Variants in ZBTB25 observed in about 807,000 individuals in gnomAD.
ZBTB25 encodes the protein zinc finger and BTB domain-containing protein 25.
Under a neutral mutation model 34.2 loss-of-function variants are expected in ZBTB25, and 20 were observed. That is an observed-to-expected ratio of 0.58 (90% CI 0.41 to 0.85). ZBTB25 has a LOEUF of 0.85. ZBTB25 is among the 40% of genes least tolerant of loss of function. The pLI is 0.00. For missense variants in ZBTB25, 437 were observed against 521.8 expected (o/e 0.84, Z 1.58); for synonymous variants, 175 against 186.4 (o/e 0.94, Z 0.50).
At chr14:64,503,017 T>C in intron 1 of ZBTB25, 2 of 985,444 alleles carry the variant, frequency 2.0e-6, no homozygotes, top group Non-Finnish European at 2.4e-6. Flanking sequence ...ACATGCTAGG[T>C]GCCGTCAGGT....
chr14:64,456,951 T>C (rs1040569682), intron 2 of ZBTB25, among the ~76,000 whole-genome samples: 1 of 152,222 alleles, frequency 6.6e-6, no homozygotes, highest in Admixed American at 6.5e-5. Context: ...ATATAGGACA[T>C]TGTTACAGAT....
At chr14:64,502,802 G>A in intron 1 of ZBTB25, 3 of 959,926 alleles carry the variant, frequency 3.1e-6, no homozygotes, top group Non-Finnish European at 3.7e-6. Flanking sequence ...CGCTCTTCAG[G>A]CCTGGTGTCT....
chr14:64,457,423 G>T (rs1239827848), intron 2 of ZBTB25, among the ~76,000 whole-genome samples: 3 of 151,740 alleles, frequency 2.0e-5, no homozygotes, highest in African/African-American at 7.3e-5. Flanking sequence ...CATTTGGTTT[G>T]CAGAAGGACA....
rs2078859849 is a variant in ZBTB25, at chr14:64,486,271, C to T, written c.*652G>A. On this transcript the variant is annotated 3_prime_UTR_variant, in exon 3 of 3. Transcript: ENST00000608382. ...CAGCCGAGATCGCGCCACTGCGCCC[C>T]AGCCTGGGCGACACAGAGAGACTCT... 5.1e-6 allele frequency: 5 copies of T among 972,372 alleles called. No homozygotes were observed. The highest frequency in any genetic ancestry group is 4.9e-6 in the Non-Finnish European group (4 of 818,472). The allele number at this position is 972,372 out of a possible 1,614,324, so 60.2% of individuals were successfully genotyped here. A position where few individuals can be genotyped will look rare whatever the true frequency, so the allele number is the denominator to read the frequency against.
Position 64,485,747 on chromosome 14 carries a change from A to C in ZBTB25, c.*1176T>G, listed in dbSNP as rs1302072610. ...AAAATCAACCCAGGAAGCCCCAAAAATCCTGACGCTGAGGGTAGAAACATG... is the reference window on the plus strand; with the variant it reads ...AAAATCAACCCAGGAAGCCCCAAAACTCCTGACGCTGAGGGTAGAAACATG... On this transcript the variant is annotated 3_prime_UTR_variant, in exon 3 of 3. Transcript: ENST00000608382. 1.2e-5 allele frequency: 12 copies of C among 985,240 alleles called. No individual in the cohort carries two copies. In the Admixed American group the frequency reaches 3.1e-4, roughly 25 times the overall value. The allele number at this position is 985,240 out of a possible 1,614,324, so 61.0% of individuals were successfully genotyped here. A position where few individuals can be genotyped will look rare whatever the true frequency, so the allele number is the denominator to read the frequency against.
chr14:64,504,869 G>A, upstream of ZBTB25: 1 of 396,446 alleles, frequency 2.5e-6, no homozygotes, highest in Non-Finnish European at 4.5e-6. Context: ...CGGCCCCTTC[G>A]CCTTCGCCCG....
chr14:64,502,525 G>A (rs2079530463), intron 1 of ZBTB25: 1 of 494,910 alleles, frequency 2.0e-6, no homozygotes, highest in Non-Finnish European at 2.6e-6. Flanking sequence ...GGTGGCTGGG[G>A]GGTGTAGGCT....
rs1307547321 is a variant in ZBTB25, at chr14:64,479,041, A to G, written c.*7882T>C. 6.6e-6 allele frequency: 1 copy of G among 152,206 alleles called. No homozygotes were observed. Among genetic ancestry groups the G allele is most frequent in the Non-Finnish European group, 1.5e-5 (1 of 68,036 alleles). 9.4% of individuals were successfully genotyped at this position (152,206 alleles called of 1,614,324 possible). On this transcript the variant is annotated 3_prime_UTR_variant, in exon 3 of 3. Coordinates refer to ENST00000608382, the MANE Select transcript of ZBTB25 (RefSeq NM_006977.5). ...AATCACATTTTTTCCTTTTATTTCT[A>G]ATAATCACATTTTTATCTTTTAAAA...
At chr14:64,465,228 C>T (rs1156704464) in intron 2 of ZBTB25, among the ~76,000 whole-genome samples, 2 of 152,044 alleles carry the variant, frequency 1.3e-5, no homozygotes, top group African/African-American at 2.4e-5. Context: ...CGCCTTCCCC[C>T]GCCCCCCGAA....
intron 1 of ZBTB25, chr14:64,502,673 A>T: frequency 1.0e-6 from 1 of 985,490 alleles, no homozygotes; most frequent in Non-Finnish European, 1.2e-6. Flanking sequence ...TACATTCTCT[A>T]CAGGTGAGTG....
intron 1 of ZBTB25, 131 bp downstream of exon 1, chr14:64,503,530 A>G (rs1356819696): frequency 5.8e-5 from 57 of 985,814 alleles, no homozygotes; most frequent in Non-Finnish European, 6.6e-5. Flanking sequence ...AATCGGACCA[A>G]AAACACCCCT....
chr14:64,485,142 C>G lies in ZBTB25; in HGVS notation c.*1781G>C. Reference sequence around the variant, plus strand: ...AAAAACTTACCACTTTGTAATTTACCTAAACTGTTTACCTAGAGAAAACCT... The same window carrying G: ...AAAAACTTACCACTTTGTAATTTACGTAAACTGTTTACCTAGAGAAAACCT... On this transcript the variant is annotated 3_prime_UTR_variant, in exon 3 of 3. Transcript: ENST00000608382. The G allele has an allele frequency of 1.0e-6, 1 of 985,396 alleles. No homozygotes were observed. 61.0% of individuals were successfully genotyped at this position (985,396 alleles called of 1,614,324 possible). A position where few individuals can be genotyped will look rare whatever the true frequency, so the allele number is the denominator to read the frequency against.
intron 2 of ZBTB25, chr14:64,458,133 C>A: frequency 9.0e-7 from 1 of 1,113,166 alleles, no homozygotes; most frequent in Non-Finnish European, 1.4e-6. Context: ...TCAAGTGATC[C>A]TCTCCACCTC....
At chr14:64,498,337 G>A (rs1024533150) in intron 1 of ZBTB25, among the ~76,000 whole-genome samples, 32 of 148,890 alleles carry the variant, frequency 2.1e-4, no homozygotes, top group East Asian at 1.4e-3. Flanking sequence ...ACAGAGTCTC[G>A]CTCTGTCGCC....
rs2078803783 is a variant in ZBTB25, at chr14:64,482,319, T to A, written c.*4604A>T. On this transcript the variant is annotated 3_prime_UTR_variant, in exon 3 of 3. Transcript: ENST00000608382. ...TACAAAAATTAGCTGGGTGTGGTGG[T>A]GCGTGCCTATAGTTCCAGCTACTCG... 6.6e-6 allele frequency: 1 copy of A among 152,150 alleles called. No individual in the cohort carries two copies. Among genetic ancestry groups the A allele is most frequent in the South Asian group, 2.1e-4 (1 of 4,826 alleles). 9.4% of individuals were successfully genotyped at this position (152,150 alleles called of 1,614,324 possible).
chr14:64,456,472 T>C (rs2078475952), intron 2 of ZBTB25, among the ~76,000 whole-genome samples: 3 of 152,236 alleles, frequency 2.0e-5, no homozygotes, highest in Non-Finnish European at 4.4e-5. Context: ...TTTTTCTGAT[T>C]ATCAGTGACC....
chr14:64,471,896 T>C (rs2078676410), intron 2 of ZBTB25: 1 of 166,698 alleles, frequency 6.0e-6, no homozygotes, highest in Non-Finnish European at 1.5e-5. Context: ...TAAATACATA[T>C]TGAGACCTCT....
At chr14:64,475,597 C>G (rs913663643), downstream of ZBTB25, among the ~76,000 whole-genome samples, 1 of 152,154 alleles carries the variant, frequency 6.6e-6, no homozygotes, top group African/African-American at 2.4e-5. Context: ...TGAATACCTA[C>G]TTTTCTTTCT....
chr14:64,487,419 G>A lies in ZBTB25; in HGVS notation c.812C>T (p.Ala271Val). 1 of 1,614,224 alleles carries A rather than the reference G, an allele frequency of 6.2e-7. No homozygotes were observed. The highest frequency in any genetic ancestry group is 8.5e-7 in the Non-Finnish European group (1 of 1,180,038). Residue 271 changes from alanine (A) to valine (V), a missense_variant, in exon 3 of 3, where the codon GCT becomes GTT. By Grantham distance (64) the Ala-to-Val change is moderately conservative. Coordinates refer to ENST00000608382, the MANE Select transcript of ZBTB25 (RefSeq NM_006977.5). ...VSGSLPFGVPASILESNDLGE... is the reference protein window; with the variant it reads ...VSGSLPFGVPVSILESNDLGE... ...AAGGTCATTACTTTCCAGAATGGAA[G>A]CAGGGACACCGAATGGCAGGGATCC...
Sources: allele counts gnomAD v4.1 joint callset (sites outside exome capture counted in the v4.1 genomes callset), GRCh38; gene constraint gnomAD v4.1.1; transcripts MANE v1.5; gene names NCBI Gene and HGNC (gene_info 2026-07-23, HGNC 2026-07-21).